RPS6KC1: variants seen among roughly 807,000 people sequenced by gnomAD.
RPS6KC1 encodes ribosomal protein S6 kinase C1.
RPS6KC1 carries 54 observed loss-of-function variants against 103.8 expected under a neutral mutation model. The ratio of observed to expected loss-of-function variants is 0.52; its 90% CI spans 0.42 to 0.65. RPS6KC1 has a LOEUF of 0.65. Ranked by LOEUF, RPS6KC1 falls within the 30% of genes least tolerant of loss-of-function variation. The probability of loss-of-function intolerance (pLI) is 0.00; values close to 1 mark genes in which losing one functional copy is unlikely to be tolerated. For missense variants in RPS6KC1, 1,151 were observed against 1,253.8 expected (o/e 0.92, Z 1.24); for synonymous variants, 439 against 438.7 (o/e 1.00, Z -0.01).
intron 8 of RPS6KC1, among the ~76,000 whole-genome samples, chr1:213,218,317 C>T (rs564684002): frequency 2.5e-4 from 38 of 151,410 alleles, no homozygotes; most frequent in Admixed American, 4.6e-4. Context: ...TTACAAGGGA[C>T]GTGAAGGACC....
the RPS6KC1 span, among the ~76,000 whole-genome samples, chr1:213,411,878 A>G: frequency 2.0e-5 from 3 of 152,176 alleles, no homozygotes; most frequent in Non-Finnish European, 4.4e-5. Flanking sequence ...TGCTGCACCA[A>G]TGGGCGTGGG....
At chr1:213,607,688 T>C in the RPS6KC1 span, among the ~76,000 whole-genome samples, 1 of 140,802 alleles carries the variant, frequency 7.1e-6, no homozygotes, top group Admixed American at 7.1e-5. Flanking sequence ...CAGTTGCAAT[T>C]ACACACACAC....
At chr1:213,803,329 C>T in the RPS6KC1 span, among the ~76,000 whole-genome samples, 2,747 of 150,538 alleles carry the variant, frequency 0.018, 95 homozygotes, top group African/African-American at 0.064. Context: ...TCACTGCAAC[C>T]TCTGCCTCCC....
At chr1:213,602,113 T>TC in the RPS6KC1 span, among the ~76,000 whole-genome samples, 34 of 50,296 alleles carry the variant, frequency 6.8e-4, 4 homozygotes, top group African/African-American at 1.8e-3. Context: ...TCTTTCTTTC[T>TC]TTCTTTCTCT....
chr1:213,371,195 G>T, the RPS6KC1 span, among the ~76,000 whole-genome samples: 178 of 152,160 alleles, frequency 1.2e-3, 3 homozygotes, highest in East Asian at 0.027. Context: ...CGTAGAGTAG[G>T]AGCCAGAGTA....
chr1:213,301,698 CTTATTTATTTATTTATTTATTTAT>C, the RPS6KC1 span, among the ~76,000 whole-genome samples: 3,167 of 141,228 alleles, frequency 0.022, 115 homozygotes, highest in African/African-American at 0.079. Flanking sequence ...GACCCATTTA[CTTATTTATTTATTTATTTATTTAT>C]TTATTTATTT....
the RPS6KC1 span, among the ~76,000 whole-genome samples, chr1:213,857,683 C>A: frequency 6.6e-6 from 1 of 152,216 alleles, no homozygotes; most frequent in Non-Finnish European, 1.5e-5. Flanking sequence ...TTGCTACTAT[C>A]GCACACTTTT....
intron 5 of RPS6KC1, among the ~76,000 whole-genome samples, chr1:213,118,184 TC>T (rs1157057284): frequency 1.3e-5 from 2 of 152,016 alleles, no homozygotes; most frequent in African/African-American, 2.4e-5. Context: ...TGAGTCTAAA[TC>T]AAGTTTTAAT....
chr1:213,765,311 A>C, the RPS6KC1 span, among the ~76,000 whole-genome samples: 1 of 151,784 alleles, frequency 6.6e-6, no homozygotes, highest in African/African-American at 2.4e-5. Context: ...AGGCATCTCT[A>C]CTCCAATCCC....
At chr1:213,490,024 G>C in the RPS6KC1 span, among the ~76,000 whole-genome samples, 1 of 152,158 alleles carries the variant, frequency 6.6e-6, no homozygotes, top group Non-Finnish European at 1.5e-5. Flanking sequence ...GTGAAGGATG[G>C]AGGGAAATCA....
chr1:213,145,967 G>GTTTTTTTTTTTTTT (rs71573864), intron 6 of RPS6KC1, among the ~76,000 whole-genome samples: 1 of 47,834 alleles, frequency 2.1e-5, no homozygotes, highest in Admixed American at 3.4e-4. Context: ...CATTCATTCT[G>GTTTTTTTTTTTTTT]TTTTTTTTTT....
chr1:213,406,978 C>T, the RPS6KC1 span, among the ~76,000 whole-genome samples: 1 of 152,168 alleles, frequency 6.6e-6, no homozygotes, highest in Admixed American at 6.5e-5. Context: ...CTTGCAAGGC[C>T]TGGCTGGAGC....
the RPS6KC1 span, among the ~76,000 whole-genome samples, chr1:213,711,317 G>T: frequency 1.3e-5 from 2 of 151,936 alleles, no homozygotes; most frequent in African/African-American, 4.8e-5. Flanking sequence ...TGATACTTGT[G>T]TATGCTTCAC....
chr1:213,846,736 TA>T, the RPS6KC1 span, among the ~76,000 whole-genome samples: 1 of 152,176 alleles, frequency 6.6e-6, no homozygotes, highest in South Asian at 2.1e-4. Context: ...TTTTTTAAAA[TA>T]AGAGTAAGGG....
At chr1:213,650,830 G>A in the RPS6KC1 span, among the ~76,000 whole-genome samples, 1 of 151,756 alleles carries the variant, frequency 6.6e-6, no homozygotes, top group Admixed American at 6.6e-5. Flanking sequence ...TTAGAATATG[G>A]GAAGCCAAAC....
At chr1:213,327,236 A>AAAAGAAAGAAAGAAAG in the RPS6KC1 span, among the ~76,000 whole-genome samples, 17,743 of 144,504 alleles carry the variant, frequency 0.12, 1,165 homozygotes, top group South Asian at 0.15. Context: ...GAAAGAAAAG[A>AAAAGAAAGAAAGAAAG]AAAGAAAGAA....
At chr1:213,285,346 G>GC in the RPS6KC1 span, among the ~76,000 whole-genome samples, 1 of 5,796 alleles carries the variant, frequency 1.7e-4, no homozygotes, top group African/African-American at 1.0e-3. Flanking sequence ...CTGTCATACT[G>GC]GGGGGTAGGA....
intron 8 of RPS6KC1, among the ~76,000 whole-genome samples, chr1:213,222,419 A>G (rs1488633674): frequency 6.6e-6 from 1 of 152,198 alleles, no homozygotes; most frequent in African/African-American, 2.4e-5. Context: ...TTATGAAACC[A>G]AGGACAGATT....
chr1:213,580,151 A>G, the RPS6KC1 span, among the ~76,000 whole-genome samples: 1 of 152,128 alleles, frequency 6.6e-6, no homozygotes, highest in Non-Finnish European at 1.5e-5. Context: ...AGATGATGCC[A>G]TAAAGAACGT....
Sources: gnomAD v4.1 joint callset for allele counts (sites outside exome capture counted in the v4.1 genomes callset) on GRCh38, gnomAD v4.1.1 for gene constraint, MANE v1.5 for transcripts, NCBI Gene and HGNC (gene_info 2026-07-23, HGNC 2026-07-21) for gene names.